Variants in SLC35F1 observed in about 807,000 individuals in gnomAD.
The protein encoded by SLC35F1 is solute carrier family 35 member F1, also known as chromosome 6 open reading frame 169.
A neutral mutation model predicts 48.7 loss-of-function variants in SLC35F1; 14 were observed. The ratio of observed to expected loss-of-function variants is 0.29; its 90% CI spans 0.19 to 0.45. The LOEUF (loss-of-function observed/expected upper bound fraction) is 0.45. SLC35F1 is among the 20% of genes least tolerant of loss of function. SLC35F1 has a pLI of 1.00. For synonymous variants in SLC35F1, 190 were observed against 202.2 expected (o/e 0.94, Z 0.51); for missense variants, 404 against 500.0 (o/e 0.81, Z 1.83).
intron 1 of SLC35F1, among the ~76,000 whole-genome samples, chr6:118,076,770 G>A (rs115365309): frequency 0.011 from 1,616 of 152,188 alleles, 31 homozygotes; most frequent in African/African-American, 0.036. Context: ...CTGTCTTTAC[G>A]ATATACTGAA....
At chr6:118,148,347 AC>A (rs1478437903) in intron 1 of SLC35F1, among the ~76,000 whole-genome samples, 1 of 152,232 alleles carries the variant, frequency 6.6e-6, no homozygotes, top group Admixed American at 6.5e-5. Flanking sequence ...TATTCTTATA[AC>A]TAAGAGAAGA....
At chr6:118,310,086 A>G (rs1776355799) in intron 7 of SLC35F1, among the ~76,000 whole-genome samples, 1 of 152,328 alleles carries the variant, frequency 6.6e-6, no homozygotes, top group African/African-American at 2.4e-5. Flanking sequence ...TAGAGCTTCC[A>G]GTTAGATAAA....
intron 2 of SLC35F1, among the ~76,000 whole-genome samples, chr6:118,187,448 GT>G (rs572116525): frequency 4.7e-4 from 72 of 152,290 alleles, no homozygotes; most frequent in African/African-American, 1.6e-3. Flanking sequence ...ACAAAAAGAA[GT>G]TGAATTTTTT....
intron 1 of SLC35F1, among the ~76,000 whole-genome samples, chr6:117,919,142 C>T (rs1020180040): frequency 6.6e-6 from 1 of 151,996 alleles, no homozygotes; most frequent in African/African-American, 2.4e-5. Context: ...GTGATGTTCC[C>T]ACCTTGGACT....
At chr6:118,259,333 A>C (rs1266991606) in intron 3 of SLC35F1, among the ~76,000 whole-genome samples, 1 of 151,966 alleles carries the variant, frequency 6.6e-6, no homozygotes, top group Non-Finnish European at 1.5e-5. Context: ...AGTATGCATC[A>C]AGAGTTTTTA....
chr6:118,119,764 G>A (rs2114399546), intron 1 of SLC35F1, among the ~76,000 whole-genome samples: 1 of 152,120 alleles, frequency 6.6e-6, no homozygotes, highest in East Asian at 1.9e-4. Flanking sequence ...AACACATTTG[G>A]TACTTCTTAG....
chr6:118,139,791 G>A lies in SLC35F1; in HGVS notation c.174-14654G>A, dbSNP rs112188246. Among the ~76,000 whole-genome samples, 1,264 of 152,278 alleles carry A rather than the reference G, an allele frequency of 8.3e-3. 21 individuals are homozygous for A. Among genetic ancestry groups the A allele is most frequent in the African/African-American group, 0.029 (1,210 of 41,562 alleles). ...TGTGCTCTTGGTTTACCAGTCTGCC[G>A]AAGCTGTTATCCTTAGCATTGTTCA... On this transcript the variant is annotated intron_variant, in intron 1 of 7. Transcript: ENST00000360388.
At chr6:118,005,141 G>C (rs1169485990) in intron 1 of SLC35F1, among the ~76,000 whole-genome samples, 1 of 152,168 alleles carries the variant, frequency 6.6e-6, no homozygotes, top group Non-Finnish European at 1.5e-5. Flanking sequence ...AAGAAGAGGA[G>C]AAAAGGTATG....
At chr6:118,153,207 C>T (rs930113843) in intron 1 of SLC35F1, among the ~76,000 whole-genome samples, 1 of 152,070 alleles carries the variant, frequency 6.6e-6, no homozygotes, top group African/African-American at 2.4e-5. Flanking sequence ...AAATCCTTTG[C>T]CTAAAGCTTT....
intron 1 of SLC35F1, among the ~76,000 whole-genome samples, chr6:118,080,685 G>A (rs1373000007): frequency 1.3e-5 from 2 of 152,142 alleles, no homozygotes; most frequent in Admixed American, 6.5e-5. Flanking sequence ...GGCTCTTCTC[G>A]TTTGATTGAA....
At chr6:118,036,814 G>A (rs1026568420) in intron 1 of SLC35F1, among the ~76,000 whole-genome samples, 1 of 152,168 alleles carries the variant, frequency 6.6e-6, no homozygotes, top group Admixed American at 6.5e-5. Flanking sequence ...TCCTGCCTTG[G>A]CCTCCCAATA....
chr6:118,114,195 G>A (rs914922726), intron 1 of SLC35F1, among the ~76,000 whole-genome samples: 1 of 152,150 alleles, frequency 6.6e-6, no homozygotes, highest in Admixed American at 6.6e-5. Flanking sequence ...GCTTGAACTA[G>A]GCTGTGTTGG....
At chr6:118,072,303 G>A (rs901127445) in intron 1 of SLC35F1, among the ~76,000 whole-genome samples, 5 of 152,086 alleles carry the variant, frequency 3.3e-5, no homozygotes, top group Non-Finnish European at 5.9e-5. Context: ...GGTGGCTCAC[G>A]CCTGTAATCC....
chr6:118,032,718 TC>T (rs776973760), intron 1 of SLC35F1, among the ~76,000 whole-genome samples: 8 of 152,250 alleles, frequency 5.3e-5, no homozygotes, highest in Non-Finnish European at 8.8e-5. Context: ...ACAGTCTATT[TC>T]TTTTCCTTAG....
chr6:118,107,888 A>G (rs1431111971), intron 1 of SLC35F1, among the ~76,000 whole-genome samples: 1 of 152,114 alleles, frequency 6.6e-6, no homozygotes, highest in Non-Finnish European at 1.5e-5. Context: ...CCCTTAAATT[A>G]GAAGGAATTG....
intron 1 of SLC35F1, among the ~76,000 whole-genome samples, chr6:117,923,635 G>GTACATATGTACATATA (rs1775942162): frequency 3.2e-5 from 3 of 93,724 alleles, no homozygotes; most frequent in African/African-American, 1.5e-4. Context: ...ATACATATAT[G>GTACATATGTACATATA]TACATATGTA....
At chr6:118,204,371 C>T (rs1055961810) in intron 2 of SLC35F1, among the ~76,000 whole-genome samples, 2 of 152,028 alleles carry the variant, frequency 1.3e-5, no homozygotes, top group Non-Finnish European at 2.9e-5. Flanking sequence ...CAGGTTTTGT[C>T]GTAACTGCAA....
At chr6:118,266,056 T>C (rs1398019321) in intron 3 of SLC35F1, among the ~76,000 whole-genome samples, 1 of 152,208 alleles carries the variant, frequency 6.6e-6, no homozygotes, top group Non-Finnish European at 1.5e-5. Context: ...TCATATGTAG[T>C]ATCTCTGAGG....
rs1028668579 is a variant in SLC35F1 at position 117,975,713 on chromosome 6, T to C, written c.173+67814T>C. 2.6e-5 allele frequency among the ~76,000 whole-genome samples: 4 copies of C among 152,366 alleles called. No individual in the cohort carries two copies. The East Asian group carries it at 7.7e-4, about 29-fold the overall frequency. ...ATTCTGTTCTACAAGTGCTCTGTGC[T>C]ATGCTGAAGTTGTAGTCTGTATTCT... is the stretch of plus-strand genomic sequence containing the variant. On this transcript the variant is annotated intron_variant, in intron 1 of 7. Coordinates refer to ENST00000360388, the MANE Select transcript of SLC35F1 (RefSeq NM_001029858.4).
Sources: gnomAD v4.1 joint callset for allele counts (sites outside exome capture counted in the v4.1 genomes callset) on GRCh38, gnomAD v4.1.1 for gene constraint, MANE v1.5 for transcripts, NCBI Gene and HGNC (gene_info 2026-07-23, HGNC 2026-07-21) for gene names.